The following BTBD9 variants were observed in gnomAD, a reference collection of about 807,000 sequenced individuals.
BTBD9 encodes the protein BTB/POZ domain-containing protein 9.
In BTBD9, 49 loss-of-function variants were observed where a neutral mutation model predicts 64.3. The observed-to-expected ratio is 0.76, with a 90% CI of 0.61 to 0.97. The LOEUF (loss-of-function observed/expected upper bound fraction) is 0.97. Among genes scored for constraint, BTBD9 ranks in the 50% least tolerant of loss-of-function variants. The pLI is 0.00. For synonymous variants in BTBD9, 260 were observed against 274.7 expected (o/e 0.95, Z 0.53); for missense variants, 598 against 762.1 (o/e 0.78, Z 2.53).
At chr6:38,572,185 T>G (rs1323191836) in intron 6 of BTBD9, among the ~76,000 whole-genome samples, 2 of 152,218 alleles carry the variant, frequency 1.3e-5, no homozygotes, top group Non-Finnish European at 2.9e-5. Context: ...ATTATTTGTT[T>G]GTTTTAATCT....
chr6:38,614,209 C>G lies in BTBD9; in HGVS notation c.-27-16088G>C, dbSNP rs115209815. Among the ~76,000 whole-genome samples, 550 of 152,272 alleles carry G rather than the reference C, an allele frequency of 3.6e-3. 2 individuals are homozygous for G. Among genetic ancestry groups the G allele is most frequent in the African/African-American group, 0.013 (526 of 41,566 alleles). On this transcript the variant is annotated intron_variant, in intron 1 of 10. Coordinates refer to ENST00000481247, the MANE Select transcript of BTBD9 (RefSeq NM_001099272.2). Reference sequence around the variant, plus strand: ...CAAGCTTCAAGCCCTTCAGCAGAAGCCTTCACTGACGCTGCCAATCTAGGT... The same window carrying G: ...CAAGCTTCAAGCCCTTCAGCAGAAGGCTTCACTGACGCTGCCAATCTAGGT...
intron 6 of BTBD9, among the ~76,000 whole-genome samples, chr6:38,546,616 A>G (rs550662634): frequency 1.3e-5 from 2 of 152,168 alleles, no homozygotes; most frequent in Non-Finnish European, 2.9e-5. Context: ...AACTCTTGCA[A>G]TATTTCAAAC....
chr6:38,304,559 A>C lies in BTBD9; in HGVS notation c.1265-16098T>G, dbSNP rs199968386. ...AGGCTCCGTCTCAAAAAACAAACAA[A>C]AAAAAAAAAAAAACCAACATCAAAA... On this transcript the variant is annotated intron_variant, in intron 7 of 10. Coordinates refer to ENST00000481247, the MANE Select transcript of BTBD9 (RefSeq NM_001099272.2). Among the ~76,000 whole-genome samples the C allele has an allele frequency of 3.8e-4, 56 of 148,928 alleles. 1 individual carries two copies. The highest frequency in any genetic ancestry group is 1.6e-3 in the East Asian group (8 of 5,084).
At chr6:38,331,989 C>CA (rs1475981413) in intron 7 of BTBD9, among the ~76,000 whole-genome samples, 3 of 152,028 alleles carry the variant, frequency 2.0e-5, no homozygotes, top group Non-Finnish European at 4.4e-5. Flanking sequence ...TTAAACAAGC[C>CA]AAAAAATGGT....
At chr6:38,206,050 C>T (rs748500171) in intron 9 of BTBD9, among the ~76,000 whole-genome samples, 5 of 151,710 alleles carry the variant, frequency 3.3e-5, no homozygotes, top group East Asian at 3.9e-4. Context: ...AGAGGGAAGG[C>T]GGGCAGCTTA....
At chr6:38,421,031 C>T (rs1480931060) in intron 6 of BTBD9, among the ~76,000 whole-genome samples, 1 of 151,800 alleles carries the variant, frequency 6.6e-6, no homozygotes. Flanking sequence ...TCCTTATTTT[C>T]TTTTATGATG....
chr6:38,453,107 T>C (rs1769633198), intron 6 of BTBD9, among the ~76,000 whole-genome samples: 1 of 152,122 alleles, frequency 6.6e-6, no homozygotes, highest in Non-Finnish European at 1.5e-5. Context: ...CAGACAATAG[T>C]TTGAGTGAAA....
intron 6 of BTBD9, among the ~76,000 whole-genome samples, chr6:38,502,361 G>A (rs1472187147): frequency 1.3e-5 from 2 of 152,070 alleles, no homozygotes; most frequent in African/African-American, 4.8e-5. Flanking sequence ...CTTCATTTTG[G>A]TATAATATTT....
At chr6:38,550,299 ATTTCTT>A (rs543740052) in intron 6 of BTBD9, among the ~76,000 whole-genome samples, 28 of 148,472 alleles carry the variant, frequency 1.9e-4, no homozygotes, top group South Asian at 8.6e-4. Context: ...ATCATCCTTG[ATTTCTT>A]TTTCTTTTTC....
At chr6:38,233,029 G>A (rs1763663732) in intron 9 of BTBD9, among the ~76,000 whole-genome samples, 1 of 152,122 alleles carries the variant, frequency 6.6e-6, no homozygotes, top group Non-Finnish European at 1.5e-5. Flanking sequence ...TTGGTGGGAG[G>A]CCTTTTCTTT....
intron 6 of BTBD9, among the ~76,000 whole-genome samples, chr6:38,491,357 C>T (rs1771693945): frequency 6.6e-6 from 1 of 152,160 alleles, no homozygotes; most frequent in African/African-American, 2.4e-5. Context: ...CCAACAAAGC[C>T]CTGAGTCCAG....
chr6:38,266,670 GAAAGAAA>G (rs1765015777), intron 8 of BTBD9, among the ~76,000 whole-genome samples: 4 of 104,992 alleles, frequency 3.8e-5, no homozygotes, highest in Admixed American at 1.9e-4. Flanking sequence ...AAGAAAGAAA[GAAAGAAA>G]GAAGAAAAAG....
chr6:38,232,344 C>T (rs1359962977), intron 9 of BTBD9, among the ~76,000 whole-genome samples: 1 of 151,666 alleles, frequency 6.6e-6, no homozygotes, highest in Non-Finnish European at 1.5e-5. Flanking sequence ...AATCTCAGCT[C>T]ACTGCAAGCT....
intron 7 of BTBD9, among the ~76,000 whole-genome samples, chr6:38,317,303 C>A (rs932384518): frequency 1.3e-5 from 2 of 152,162 alleles, no homozygotes; most frequent in Non-Finnish European, 2.9e-5. Flanking sequence ...CTTCCTTCAG[C>A]AGTTTAAACA....
intron 6 of BTBD9, among the ~76,000 whole-genome samples, chr6:38,373,533 T>C (rs1765512772): frequency 6.6e-6 from 1 of 152,096 alleles, no homozygotes; most frequent in African/African-American, 2.4e-5. Context: ...GGGAGGTGCA[T>C]ATAAACTTGT....
chr6:38,319,982 G>A (rs901051743), intron 7 of BTBD9, among the ~76,000 whole-genome samples: 1 of 152,120 alleles, frequency 6.6e-6, no homozygotes, highest in African/African-American at 2.4e-5. Flanking sequence ...CTGGGATGGG[G>A]GATCTCCCTC....
chr6:38,345,065 T>G lies in BTBD9; in HGVS notation c.1183A>C (p.Thr395Pro), dbSNP rs775284906. ...RYIRIVGTHN[T>P]VNKIFHIVAF... Reference sequence around the variant, plus strand: ...ACAATGTGAAAAATCTTGTTCACTGTGTTGTGAGTCCCAACAATTCGAATA... The same window carrying G: ...ACAATGTGAAAAATCTTGTTCACTGGGTTGTGAGTCCCAACAATTCGAATA... The change falls in exon 7 of 11, where the codon ACA becomes CCA. Residue 395 changes from threonine to proline, a missense_variant. Coordinates refer to ENST00000481247, the MANE Select transcript of BTBD9 (RefSeq NM_001099272.2). The G allele has an allele frequency of 6.2e-7, 1 of 1,608,754 alleles. No homozygotes were observed. Among genetic ancestry groups the G allele is most frequent in the African/African-American group, 1.3e-5 (1 of 74,896 alleles).
At position 38,501,389 on chromosome 6, in the gene BTBD9, C is replaced by T. The variant is rs543064421; in HGVS notation, c.1154+76211G>A. On this transcript the variant is annotated intron_variant, in intron 6 of 10. Coordinates refer to ENST00000481247, the MANE Select transcript of BTBD9 (RefSeq NM_001099272.2). Reference sequence around the variant, plus strand: ...ATCAAAAAAAGTTCAAAATCCTTAACACTTCTGGTCCCAAGCATTTCAGAT... The same window carrying T: ...ATCAAAAAAAGTTCAAAATCCTTAATACTTCTGGTCCCAAGCATTTCAGAT... 2.0e-5 allele frequency among the ~76,000 whole-genome samples: 3 copies of T among 152,324 alleles called. No homozygotes were observed. The South Asian group carries it at 6.2e-4, about 32-fold the overall frequency.
At chr6:38,578,584 C>T (rs535093343) in intron 5 of BTBD9, among the ~76,000 whole-genome samples, 4 of 152,264 alleles carry the variant, frequency 2.6e-5, no homozygotes, top group African/African-American at 9.6e-5. Context: ...TTGTGTCATC[C>T]CCTCACTTTC....
Sources: gnomAD v4.1 joint callset for allele counts (sites outside exome capture counted in the v4.1 genomes callset) on GRCh38, gnomAD v4.1.1 for gene constraint, MANE v1.5 for transcripts, NCBI Gene and HGNC (gene_info 2026-07-23, HGNC 2026-07-21) for gene names.